Variants in CDYL observed in about 807,000 individuals in gnomAD.
CDYL encodes chromodomain Y like, also known as chromodomain Y-like protein.
Under a neutral mutation model 47.3 loss-of-function variants are expected in CDYL, and 8 were observed. That is an observed-to-expected ratio of 0.17 (90% confidence interval 0.10 to 0.31). The LOEUF (loss-of-function observed/expected upper bound fraction) is 0.31. Ranked by LOEUF, CDYL falls within the 10% of genes least tolerant of loss-of-function variation. CDYL has a pLI of 1.00. For synonymous variants in CDYL, 266 were observed against 265.0 expected, an observed-to-expected ratio of 1.00 and a Z score of -0.04; for missense variants, 471 against 701.4, an observed-to-expected ratio of 0.67 and a Z score of 3.71.
At chr6:4,729,395 A>G (rs2127413330) in intron 2 of CDYL, among the ~76,000 whole-genome samples, 1 of 152,304 alleles carries the variant, frequency 6.6e-6, no homozygotes, top group Middle Eastern at 3.4e-3. Flanking sequence ...CAAAAGCCAC[A>G]TCCACATTTC....
At chr6:4,941,878 A>T (rs907202373) in intron 4 of CDYL, among the ~76,000 whole-genome samples, 6 of 152,184 alleles carry the variant, frequency 3.9e-5, no homozygotes, top group Non-Finnish European at 5.9e-5. Context: ...CATAAGGCAG[A>T]TGAAATTGGA....
intron 1 of CDYL, among the ~76,000 whole-genome samples, chr6:4,782,151 GGTT>G (rs1296970655): frequency 1.3e-5 from 2 of 152,072 alleles, no homozygotes; most frequent in African/African-American, 4.8e-5. Context: ...GACCACTGCT[GGTT>G]GTTAACTGAG....
chr6:4,729,778 C>T (rs1757573297), intron 2 of CDYL, among the ~76,000 whole-genome samples: 1 of 152,078 alleles, frequency 6.6e-6, no homozygotes, highest in South Asian at 2.1e-4. Flanking sequence ...ATTAGCTGTG[C>T]ATGGTGGTGC....
chr6:4,952,424 T>C lies in CDYL; in HGVS notation c.1476+15T>C. 1 of 1,597,140 alleles carries C rather than the reference T, an allele frequency of 6.3e-7. No homozygotes were observed. The highest frequency in any genetic ancestry group is 8.5e-7 in the Non-Finnish European group (1 of 1,172,956). On this transcript the variant is annotated intron_variant, in intron 6 of 6. Transcript: ENST00000397588. ...GCAATCCAGTTGTATGTCTAATTGCTTCTGTTACACGTTACTTTTTAAAAA... is the reference window on the plus strand; with the variant it reads ...GCAATCCAGTTGTATGTCTAATTGCCTCTGTTACACGTTACTTTTTAAAAA...
At chr6:4,907,425 A>G (rs1341903796) in intron 2 of CDYL, among the ~76,000 whole-genome samples, 1 of 152,088 alleles carries the variant, frequency 6.6e-6, no homozygotes, top group Non-Finnish European at 1.5e-5. Flanking sequence ...GGCTGGTGCC[A>G]TCTCAGCTCA....
chr6:4,896,871 T>G lies in CDYL; in HGVS notation c.691+4492T>G, dbSNP rs893180757. On this transcript the variant is annotated intron_variant, in intron 2 of 6. Transcript: ENST00000397588. ...TTTTTGCCACCAAAAACCACAGATA[T>G]TTGAATATCTGTGAACCCAAAGAAT... Among the ~76,000 whole-genome samples the G allele has an allele frequency of 1.2e-4, 18 of 152,332 alleles. 1 individual carries two copies. In the East Asian group the frequency reaches 1.4e-3, roughly 11 times the overall value.
chr6:4,776,389 CGGGGCAGGTTTTTT>C (rs1196530291), upstream of CDYL: 5 of 145,416 alleles, frequency 3.4e-5, no homozygotes, highest in African/African-American at 1.2e-4. Flanking sequence ...GCTCAGTAGC[CGGGGCAGGTTTTTT>C]GGTCGCAAGT....
chr6:4,813,330 G>C (rs556076944), intron 1 of CDYL, among the ~76,000 whole-genome samples: 50 of 152,308 alleles, frequency 3.3e-4, no homozygotes, highest in African/African-American at 1.2e-3. Context: ...ATGTCTAGTT[G>C]TAGATATTCT....
chr6:4,733,252 G>T (rs187682281), intron 2 of CDYL: 4 of 152,304 alleles, frequency 2.6e-5, no homozygotes, highest in African/African-American at 9.6e-5. Context: ...CCCCCAGGTA[G>T]GCATGCAGTG....
intron 5 of CDYL, among the ~76,000 whole-genome samples, chr6:4,950,557 C>T (rs1340228987): frequency 6.6e-6 from 1 of 152,142 alleles, no homozygotes; most frequent in Non-Finnish European, 1.5e-5. Flanking sequence ...GGTCGGGTCG[C>T]GTTTCTAAAT....
intron 1 of CDYL, among the ~76,000 whole-genome samples, chr6:4,858,734 T>G (rs918001754): frequency 2.6e-5 from 4 of 152,234 alleles, no homozygotes; most frequent in African/African-American, 7.2e-5. Flanking sequence ...TAGACTTGAA[T>G]TAGACTATTA....
Position 4,900,779 on chromosome 6 carries a change from G to GTGTGTGTA in CDYL, c.691+8401_691+8402insGTGTGTAT. Among the ~76,000 whole-genome samples, 478 of 51,416 alleles carry GTGTGTGTA rather than the reference G, an allele frequency of 9.3e-3. 5 individuals carry two copies. Among genetic ancestry groups the GTGTGTGTA allele is most frequent in the Non-Finnish European group, 0.015 (372 of 24,002 alleles). 33.7% of individuals were successfully genotyped at this position (51,416 alleles called of 152,430 possible). ...TCTTCTGTTAATTCCGTATACGTGTGTATATATATATATATATATATATAT... is the reference window on the plus strand; with the variant it reads ...TCTTCTGTTAATTCCGTATACGTGTGTGTGTGTATATATATATATATATATATATATAT... On this transcript the variant is annotated intron_variant, in intron 2 of 6. Coordinates refer to ENST00000397588, the MANE Select transcript of CDYL (RefSeq NM_004824.4).
At chr6:4,723,936 T>C (rs1358935169) in intron 2 of CDYL, among the ~76,000 whole-genome samples, 1 of 152,230 alleles carries the variant, frequency 6.6e-6, no homozygotes, top group African/African-American at 2.4e-5. Context: ...TGCTTTCGGT[T>C]AGAATGAATG....
chr6:4,842,052 T>C (rs1227439976), intron 1 of CDYL, among the ~76,000 whole-genome samples: 1 of 144,830 alleles, frequency 6.9e-6, no homozygotes. Flanking sequence ...ATATATTATA[T>C]TAATATTCAT....
At chr6:4,720,262 A>C (rs951498814) in intron 2 of CDYL, among the ~76,000 whole-genome samples, 3 of 152,242 alleles carry the variant, frequency 2.0e-5, no homozygotes, top group African/African-American at 7.2e-5. Context: ...GTTACAAAGC[A>C]AAAGGGGAAT....
chr6:4,788,381 G>A (rs1758815073), intron 1 of CDYL, among the ~76,000 whole-genome samples: 1 of 150,098 alleles, frequency 6.7e-6, no homozygotes, highest in Non-Finnish European at 1.5e-5. Flanking sequence ...TACTCGGGAG[G>A]CTGAGGCAGG....
At chr6:4,886,647 T>G (rs1484979643) in intron 1 of CDYL, among the ~76,000 whole-genome samples, 1 of 152,140 alleles carries the variant, frequency 6.6e-6, no homozygotes, top group Non-Finnish European at 1.5e-5. Context: ...TTCCTCCCAT[T>G]CTGTAGGTTA....
intron 4 of CDYL, among the ~76,000 whole-genome samples, 163 bp from the exon 5 acceptor site, chr6:4,943,383 A>T (rs1039902040): frequency 2.6e-5 from 4 of 152,198 alleles, no homozygotes; most frequent in Non-Finnish European, 5.9e-5. Flanking sequence ...CACGTAGTAA[A>T]TAAGTCTAGG....
chr6:4,723,167 C>T (rs1757403860), intron 2 of CDYL, among the ~76,000 whole-genome samples: 1 of 152,040 alleles, frequency 6.6e-6, no homozygotes, highest in African/African-American at 2.4e-5. Context: ...AAATTTAAAA[C>T]CCATGTAGTA....
Sources: gnomAD v4.1 joint callset for allele counts (sites outside exome capture counted in the v4.1 genomes callset) on GRCh38, gnomAD v4.1.1 for gene constraint, MANE v1.5 for transcripts, NCBI Gene and HGNC (gene_info 2026-07-23, HGNC 2026-07-21) for gene names.